The following DPH5 variants were observed in gnomAD, a reference collection of about 807,000 sequenced individuals.
The protein encoded by DPH5 is diphthine methyl ester synthase.
In DPH5, 31 loss-of-function variants were observed where a neutral mutation model predicts 31.6. That is an observed-to-expected ratio of 0.98 (90% CI 0.74 to 1.32). DPH5 has a LOEUF of 1.32. Ranked by LOEUF, DPH5 falls within the 40% of genes most tolerant of loss-of-function variation. DPH5 has a pLI of 0.00. For synonymous variants in DPH5, 120 were observed against 115.0 expected (o/e 1.04, Z -0.28); for missense variants, 309 against 335.7 (o/e 0.92, Z 0.62).
At chr1:101,012,027 A>C (rs946281272) in intron 4 of DPH5, among the ~76,000 whole-genome samples, 1 of 148,562 alleles carries the variant, frequency 6.7e-6, no homozygotes, top group South Asian at 2.1e-4. Context: ...CAGCCTCCCC[A>C]GTAGCTGGGA....
rs1398619790 is a variant in DPH5, at chr1:101,016,435, TTTTC to T, written c.261-2621_261-2618del. On this transcript the variant is annotated intron_variant, in intron 3 of 7. Coordinates refer to ENST00000370109, the MANE Select transcript of DPH5 (RefSeq NM_015958.3). ...AGTTTCCAGCTTATCTTGGCTTTCC[TTTTC>T]TTTCTTTCTTTTTTTTTTTTTTTGA... Among the ~76,000 whole-genome samples, 296 of 151,580 alleles carry T rather than the reference TTTTC, an allele frequency of 2.0e-3. 2 individuals carry two copies. Among genetic ancestry groups the T allele is most frequent in the African/African-American group, 6.2e-3 (255 of 41,254 alleles).
Position 100,990,325 on chromosome 1 carries a change from T to G in DPH5, c.*83A>C. ...GAATTATGAGGATTAAAATTCAAGA[T>G]GAGACTTGGGTGGGGATACATCCAA... On this transcript the variant is annotated 3_prime_UTR_variant, in exon 8 of 8. Coordinates refer to ENST00000370109, the MANE Select transcript of DPH5 (RefSeq NM_015958.3). 3.0e-5 allele frequency: 39 copies of G among 1,280,772 alleles called. No homozygotes were observed. The highest frequency in any genetic ancestry group is 4.1e-5 in the Non-Finnish European group (37 of 897,252). 79.3% of individuals were successfully genotyped at this position (1,280,772 alleles called of 1,614,324 possible). A position where few individuals can be genotyped will look rare whatever the true frequency, so the allele number is the denominator to read the frequency against.
chr1:100,997,794 A>G (rs1298127116), intron 5 of DPH5, among the ~76,000 whole-genome samples: 1 of 152,158 alleles, frequency 6.6e-6, no homozygotes, highest in Admixed American at 6.5e-5. Flanking sequence ...TCTGAGCTCC[A>G]ATGAATCCCC....
At position 101,025,434 on chromosome 1, in the gene DPH5, G is replaced by A; in HGVS notation, c.10C>T (p.Leu4Phe). 6.2e-7 allele frequency: 1 copy of A among 1,614,130 alleles called. No individual in the cohort carries two copies. Among genetic ancestry groups the A allele is most frequent in the East Asian group, 2.2e-5 (1 of 44,886 alleles). Residue 4 changes from leucine (L) to phenylalanine (F), a missense_variant, in exon 2 of 8, where the codon CTC (leucine) becomes TTC (phenylalanine). Leu to Phe is a conservative substitution (Grantham distance 22, BLOSUM62 0). Transcript: ENST00000370109. ...GCATCTCCCAGGCCCAACCCGATGA[G>A]ATAAAGCATTTCAAACTTGAGGAGA... MLY[L>F]IGLGLGDAKD...
In DPH5 at chr1:100,989,782, C is replaced by T. The variant is rs1315280300; in HGVS notation, c.*626G>A. On this transcript the variant is annotated 3_prime_UTR_variant, in exon 8 of 8. Coordinates refer to ENST00000370109, the MANE Select transcript of DPH5 (RefSeq NM_015958.3). ...ATTGGTTTCATAAATAAAAACTGCT[C>T]TTAAATGATTCTGTCAGTGGATGTC... The T allele has an allele frequency of 1.3e-5, 2 of 152,294 alleles. No individual in the cohort carries two copies. Among genetic ancestry groups the T allele is most frequent in the Admixed American group, 1.3e-4 (2 of 15,298 alleles). 9.4% of individuals were successfully genotyped at this position (152,294 alleles called of 1,614,324 possible). A position where few individuals can be genotyped will look rare whatever the true frequency, so the allele number is the denominator to read the frequency against.
chr1:101,013,741 A>AT lies in DPH5; in HGVS notation c.337dup (p.Ile113AsnfsTer14), dbSNP rs1558046945. On this transcript the variant is annotated frameshift_variant, in exon 4 of 8. Transcript: ENST00000370109. LOFTEE classifies it high-confidence loss of function. ...ACCACAGCAGCCTACAGCATTCATT[A>AT]TGGAGGCATTGTGAATAACTCTATA... is the stretch of plus-strand genomic sequence containing the variant. 1 of 1,612,560 alleles carries AT rather than the reference A, an allele frequency of 6.2e-7. No homozygotes were observed. Among genetic ancestry groups the AT allele is most frequent in the South Asian group, 1.1e-5 (1 of 90,872 alleles).
intron 4 of DPH5, among the ~76,000 whole-genome samples, chr1:101,008,184 G>A (rs776017363): frequency 3.3e-5 from 5 of 152,048 alleles, no homozygotes; most frequent in Non-Finnish European, 5.9e-5. Context: ...CATCTTACTG[G>A]CACTTAGTGT....
Position 100,990,605 on chromosome 1 carries a change from C to G in DPH5, c.661G>C (p.Gly221Arg). 1 of 1,613,944 alleles carries G rather than the reference C, an allele frequency of 6.2e-7. No individual in the cohort carries two copies. The highest frequency in any genetic ancestry group is 8.5e-7 in the Non-Finnish European group (1 of 1,179,962). Residue 221 changes from glycine to arginine, a missense_variant, in exon 8 of 8, where the codon GGC (glycine) becomes CGC (arginine). Physicochemically the swap from Gly to Arg is moderately radical, Grantham distance 125 (BLOSUM62 -2). Transcript: ENST00000370109. Reference protein sequence around the residue: ...PAVTEETLCVGLARVGADDQK... With the variant: ...PAVTEETLCVRLARVGADDQK... ...TCGTCGGCTCCAACCCTGGCTAAGC[C>G]AACACAAAGTGTCTCCTCGGTAACT...
chr1:101,011,117 G>C (rs1659600751), intron 4 of DPH5, among the ~76,000 whole-genome samples: 1 of 152,134 alleles, frequency 6.6e-6, no homozygotes, highest in Non-Finnish European at 1.5e-5. Flanking sequence ...AGAGAAAAAG[G>C]CCAGCTATTA....
chr1:101,013,880 T>C, intron 3 of DPH5, 62 bp from the exon 4 acceptor site: 1 of 1,307,360 alleles, frequency 7.6e-7, no homozygotes, highest in Admixed American at 2.1e-5. Flanking sequence ...AGTAAAGCTA[T>C]ATTTCCTGAG....
chr1:101,001,155 T>C (rs1173052681), intron 5 of DPH5, among the ~76,000 whole-genome samples: 2 of 152,236 alleles, frequency 1.3e-5, no homozygotes, highest in Non-Finnish European at 1.5e-5. Flanking sequence ...GCTCAGTGCA[T>C]GTCTATTGGA....
chr1:101,004,764 A>C (rs1444161417), intron 4 of DPH5, among the ~76,000 whole-genome samples: 1 of 152,196 alleles, frequency 6.6e-6, no homozygotes, highest in Non-Finnish European at 1.5e-5. Flanking sequence ...CTGAAAATAC[A>C]AGGCGTAAGC....
chr1:101,017,402 C>T (rs1478469191), intron 3 of DPH5, among the ~76,000 whole-genome samples: 1 of 152,006 alleles, frequency 6.6e-6, no homozygotes, highest in Non-Finnish European at 1.5e-5. Context: ...TGCGTATGTA[C>T]GTATGTGTGC....
chr1:101,021,612 A>G, intron 3 of DPH5, 29 bp downstream of exon 3: 1 of 1,590,936 alleles, frequency 6.3e-7, no homozygotes, highest in Non-Finnish European at 8.6e-7. Flanking sequence ...TAAATGAGTT[A>G]AAAACTCAAA....
chr1:100,999,542 A>C (rs1230785042), intron 5 of DPH5, among the ~76,000 whole-genome samples: 1 of 151,882 alleles, frequency 6.6e-6, no homozygotes, highest in Non-Finnish European at 1.5e-5. Flanking sequence ...AAATAGCTTA[A>C]AAATTTTTGG....
chr1:101,021,801 A>C, intron 2 of DPH5, 36 bp from the exon 3 acceptor site: 1 of 1,573,044 alleles, frequency 6.4e-7, no homozygotes, highest in Non-Finnish European at 8.7e-7. Context: ...ATAAAGAGAC[A>C]GCAGGTGACC....
chr1:101,003,861 A>G (rs1659041569), intron 4 of DPH5, among the ~76,000 whole-genome samples: 1 of 152,202 alleles, frequency 6.6e-6, no homozygotes. Flanking sequence ...CACATCTCAG[A>G]TCAAACTATG....
At chr1:101,009,924 T>G (rs1659508047) in intron 4 of DPH5, among the ~76,000 whole-genome samples, 1 of 152,206 alleles carries the variant, frequency 6.6e-6, no homozygotes, top group Non-Finnish European at 1.5e-5. Flanking sequence ...CACTGTTTCC[T>G]CTGTATGGAA....
chr1:100,992,563 G>C, intron 7 of DPH5, 74 bp downstream of exon 7: 1 of 1,038,446 alleles, frequency 9.6e-7, no homozygotes, highest in East Asian at 2.4e-5. Context: ...AGTGGTATGA[G>C]ATATTAAGTC....
Sources: allele counts gnomAD v4.1 joint callset (sites outside exome capture counted in the v4.1 genomes callset), GRCh38; gene constraint gnomAD v4.1.1; transcripts MANE v1.5; gene names NCBI Gene and HGNC (gene_info 2026-07-23, HGNC 2026-07-21).